KPNA6: variants seen among roughly 807,000 people sequenced by gnomAD.
KPNA6 encodes karyopherin subunit alpha 6.
KPNA6 carries 9 observed loss-of-function variants against 72.0 expected under a neutral mutation model. The observed-to-expected ratio is 0.13, with a 90% CI of 0.08 to 0.22. The LOEUF (loss-of-function observed/expected upper bound fraction) is 0.22. KPNA6 is among the 10% of genes least tolerant of loss of function. The probability of loss-of-function intolerance (pLI) is 1.00; values close to 1 mark genes in which losing one functional copy is unlikely to be tolerated. For missense variants in KPNA6, 374 were observed against 655.7 expected, an observed-to-expected ratio of 0.57 and a Z score of 4.69; for synonymous variants, 219 against 242.1, an observed-to-expected ratio of 0.90 and a Z score of 0.89.
In KPNA6 at chr1:32,167,160, C is replaced by A; in HGVS notation, c.1117-9C>A. The A allele has an allele frequency of 1.2e-6, 2 of 1,612,590 alleles. No individual in the cohort carries two copies. The highest frequency in any genetic ancestry group is 1.7e-6 in the Non-Finnish European group (2 of 1,178,954). On this transcript the variant is annotated splice_polypyrimidine_tract_variant and intron_variant, in intron 11 of 13. Transcript: ENST00000373625. ...TCCTTCCATCTGCCTCCTCTCAATT[C>A]TCTCTCAGGCTGTTATAGATGCAAA...
chr1:32,149,849 C>T (rs916584912), intron 1 of KPNA6, among the ~76,000 whole-genome samples: 3 of 151,958 alleles, frequency 2.0e-5, no homozygotes, highest in Non-Finnish European at 4.4e-5. Context: ...CAAAAAGTAT[C>T]TTTGTTGGAT....
At chr1:32,108,333 G>A (rs921093774) in intron 1 of KPNA6, among the ~76,000 whole-genome samples, 199 bp downstream of exon 1, 20 of 152,274 alleles carry the variant, frequency 1.3e-4, no homozygotes, top group African/African-American at 4.8e-4. Flanking sequence ...GTCCTTTGGT[G>A]CTGGTTTCGG....
intron 1 of KPNA6, among the ~76,000 whole-genome samples, chr1:32,119,697 G>T (rs971557900): frequency 6.6e-6 from 1 of 151,610 alleles, no homozygotes. Context: ...TGTTGATTTC[G>T]CATCCTTTCC....
rs528841408 is a variant in KPNA6, at chr1:32,172,915, T to C, written c.*2021T>C. ...TATAGACCTAAAGTTCAGGTACTTA[T>C]TATTGGCCATTGATCTTGAATTTGC... On this transcript the variant is annotated 3_prime_UTR_variant, in exon 14 of 14. Coordinates refer to ENST00000373625, the MANE Select transcript of KPNA6 (RefSeq NM_012316.5). 1.0e-5 allele frequency: 4 copies of C among 395,936 alleles called. No individual in the cohort carries two copies. Among genetic ancestry groups the C allele is most frequent in the Non-Finnish European group, 1.3e-5 (3 of 225,058 alleles). The allele number at this position is 395,936 out of a possible 1,614,324, so 24.5% of individuals were successfully genotyped here.
intron 1 of KPNA6, among the ~76,000 whole-genome samples, chr1:32,125,478 CAA>C (rs1557460873): frequency 6.6e-6 from 1 of 152,178 alleles, no homozygotes; most frequent in Admixed American, 6.6e-5. Context: ...AGCGATCAAT[CAA>C]GAGAAAGTTC....
chr1:32,108,083 A>AGCTGCCGCC lies in KPNA6; in HGVS notation c.-46_-38dup. The AGCTGCCGCC allele has an allele frequency of 6.2e-7, 1 of 1,613,788 alleles. No homozygotes were observed. Among genetic ancestry groups the AGCTGCCGCC allele is most frequent in the Middle Eastern group, 1.6e-4 (1 of 6,062 alleles). On this transcript the variant is annotated 5_prime_UTR_variant, in exon 1 of 14. Coordinates refer to ENST00000373625, the MANE Select transcript of KPNA6 (RefSeq NM_012316.5). ...ATTGTCTACTGAAAGCTGCCGCTGA[A>AGCTGCCGCC]GCTGCCGCCGTTGCCTCCGCCGCCA...
intron 3 of KPNA6, 85 bp downstream of exon 3, chr1:32,157,030 G>A: frequency 1.1e-6 from 1 of 937,080 alleles, no homozygotes; most frequent in Non-Finnish European, 1.7e-6. Flanking sequence ...TCATCTACCA[G>A]CTTTGCCAGT....
chr1:32,124,807 GGCCTC>G (rs1641504414), intron 1 of KPNA6, among the ~76,000 whole-genome samples: 1 of 142,708 alleles, frequency 7.0e-6, no homozygotes, highest in Non-Finnish European at 1.5e-5. Flanking sequence ...GTGTTCGGCC[GGCCTC>G]GTCTTTTTTT....
chr1:32,133,856 G>A (rs530262312), intron 1 of KPNA6, among the ~76,000 whole-genome samples: 38 of 150,624 alleles, frequency 2.5e-4, no homozygotes, highest in Admixed American at 6.0e-4. Context: ...CCTGGCAAAC[G>A]TGGTGAAACC....
rs72666746 is a variant in KPNA6, at chr1:32,111,330, A to C, written c.4+3196A>C. Among the ~76,000 whole-genome samples the C allele has an allele frequency of 7.6e-3, 1,164 of 152,318 alleles. 7 individuals are homozygous for C. Among genetic ancestry groups the C allele is most frequent in the Non-Finnish European group, 0.012 (817 of 68,024 alleles). ...ATAAATCTATAAGACTTAAGAAGTT[A>C]AGAAATAAAGTTAGTCCTATTCTGG... On this transcript the variant is annotated intron_variant, in intron 1 of 13. Coordinates refer to ENST00000373625, the MANE Select transcript of KPNA6 (RefSeq NM_012316.5).
intron 1 of KPNA6, among the ~76,000 whole-genome samples, chr1:32,122,885 A>G (rs1023337709): frequency 4.7e-5 from 7 of 150,384 alleles, no homozygotes; most frequent in African/African-American, 1.7e-4. Context: ...TGAACCTGGT[A>G]GGCAGAGGTT....
intron 1 of KPNA6, among the ~76,000 whole-genome samples, chr1:32,109,678 C>T (rs1478237686): frequency 6.8e-6 from 1 of 147,218 alleles, no homozygotes; most frequent in Non-Finnish European, 1.5e-5. Flanking sequence ...GAGTCTGGCT[C>T]TGTTGCCCAG....
At chr1:32,158,091 C>T (rs546549741) in intron 4 of KPNA6, among the ~76,000 whole-genome samples, 176 bp from the exon 5 acceptor site, 1 of 152,276 alleles carries the variant, frequency 6.6e-6, no homozygotes, top group South Asian at 2.1e-4. Context: ...AACATTCCAG[C>T]TGTATTATAC....
intron 1 of KPNA6, among the ~76,000 whole-genome samples, chr1:32,125,979 T>TAAA (rs75504815): frequency 0.011 from 1,130 of 98,908 alleles, 17 homozygotes; most frequent in African/African-American, 0.035. Flanking sequence ...CTATATTTAC[T>TAAA]AAAAAAAAAA....
intron 1 of KPNA6, among the ~76,000 whole-genome samples, chr1:32,128,470 A>G (rs1233862690): frequency 7.3e-6 from 1 of 136,694 alleles, no homozygotes; most frequent in Non-Finnish European, 1.6e-5. Flanking sequence ...TTTTTTCCTT[A>G]GACCTTGAGC....
intron 6 of KPNA6, among the ~76,000 whole-genome samples, 184 bp from the exon 7 acceptor site, chr1:32,160,431 T>C (rs1642217387): frequency 6.6e-6 from 1 of 152,048 alleles, no homozygotes; most frequent in Non-Finnish European, 1.5e-5. Flanking sequence ...CTCCCAGGGA[T>C]AGGTCATTGT....
chr1:32,160,849 G>C, intron 7 of KPNA6, 146 bp downstream of exon 7: 1 of 636,164 alleles, frequency 1.6e-6, no homozygotes, highest in South Asian at 1.7e-5. Flanking sequence ...TAAAAGATAG[G>C]TATCTTTGGA....
In KPNA6 at chr1:32,160,683, C is replaced by G; in HGVS notation, c.627C>G (p.Ser209=). ...GCCGAGATTACGTCTTGAACTGTTC[C>G]ATCCTTAATCCTTTGTTAACGTGAG... The part of the protein sequence containing the change: ...SVCRDYVLNC[S]ILNPLLTLLT... Residue 209 remains serine, a synonymous_variant, in exon 7 of 14, where the codon TCC becomes TCG. Coordinates refer to ENST00000373625, the MANE Select transcript of KPNA6 (RefSeq NM_012316.5). 6.2e-7 allele frequency: 1 copy of G among 1,613,668 alleles called. No homozygotes were observed. Among genetic ancestry groups the G allele is most frequent in the Non-Finnish European group, 8.5e-7 (1 of 1,179,604 alleles).
chr1:32,114,114 A>T (rs1230208901), intron 1 of KPNA6, among the ~76,000 whole-genome samples: 1 of 152,168 alleles, frequency 6.6e-6, no homozygotes, highest in African/African-American at 2.4e-5. Flanking sequence ...GATTCTGTAT[A>T]GCTACAGAAT....
Sources: allele counts gnomAD v4.1 joint callset (sites outside exome capture counted in the v4.1 genomes callset), GRCh38; gene constraint gnomAD v4.1.1; transcripts MANE v1.5; gene names NCBI Gene and HGNC (gene_info 2026-07-23, HGNC 2026-07-21).